MACROD2: variants seen among roughly 807,000 people sequenced by gnomAD.
MACROD2 encodes the protein ADP-ribose glycohydrolase MACROD2.
A neutral mutation model predicts 70.4 loss-of-function variants in MACROD2; 36 were observed. The observed-to-expected ratio is 0.51, with a 90% CI of 0.39 to 0.68. MACROD2 has a LOEUF of 0.68. Ranked by LOEUF, MACROD2 falls within the 30% of genes least tolerant of loss-of-function variation. The probability of loss-of-function intolerance (pLI) is 0.00; values close to 1 mark genes in which losing one functional copy is unlikely to be tolerated. For synonymous variants in MACROD2, 172 were observed against 178.8 expected (o/e 0.96, Z 0.30); for missense variants, 496 against 538.4 (o/e 0.92, Z 0.78).
chr20:14,566,435 T>G (rs1243725234), intron 4 of MACROD2: 1 of 151,372 alleles, frequency 6.6e-6, no homozygotes, highest in Non-Finnish European at 1.5e-5. Flanking sequence ...GGTCCCCACC[T>G]CAAAAAAAAA....
At chr20:14,528,311 C>A (rs1195425444) in intron 4 of MACROD2, among the ~76,000 whole-genome samples, 1 of 143,888 alleles carries the variant, frequency 6.9e-6, no homozygotes, top group Non-Finnish European at 1.5e-5. Flanking sequence ...TTAGTAGAGA[C>A]AGGGTTTCTG....
At position 14,101,856 on chromosome 20, in the gene MACROD2, A is replaced by G. The variant is rs2054305854; in HGVS notation, c.271+16128A>G. ...TTTTGAGTTTTTAAGCAAATAGACA[A>G]AATAAAACATCAATTTCTCTGCATG... On this transcript the variant is annotated intron_variant, in intron 3 of 17. Transcript: ENST00000684519. Among the ~76,000 whole-genome samples, 5 of 151,982 alleles carry G rather than the reference A, an allele frequency of 3.3e-5. 1 individual carries two copies. In the South Asian group the frequency reaches 1.0e-3, roughly 32 times the overall value.
chr20:15,523,572 C>T (rs2047680735), intron 8 of MACROD2, among the ~76,000 whole-genome samples: 1 of 152,086 alleles, frequency 6.6e-6, no homozygotes, highest in South Asian at 2.1e-4. Flanking sequence ...GTCTGTGTTA[C>T]TCCAAAACCC....
intron 3 of MACROD2, among the ~76,000 whole-genome samples, chr20:14,294,983 G>C (rs2082415143): frequency 6.6e-6 from 1 of 151,618 alleles, no homozygotes; most frequent in Non-Finnish European, 1.5e-5. Flanking sequence ...CCAGTCAGTG[G>C]CTTCCCACTG....
chr20:15,311,336 G>A (rs766856632), intron 6 of MACROD2, among the ~76,000 whole-genome samples: 1 of 152,124 alleles, frequency 6.6e-6, no homozygotes, highest in Non-Finnish European at 1.5e-5. Flanking sequence ...CAGGAAAATA[G>A]TTAAGTAAAT....
chr20:14,217,031 T>G (rs1480828350), intron 3 of MACROD2, among the ~76,000 whole-genome samples: 2 of 152,206 alleles, frequency 1.3e-5, no homozygotes, highest in Non-Finnish European at 2.9e-5. Context: ...TGGCTAGGAC[T>G]TCCAGTACTA....
chr20:15,273,907 G>A (rs1246452171), intron 6 of MACROD2, among the ~76,000 whole-genome samples: 1 of 152,078 alleles, frequency 6.6e-6, no homozygotes, highest in African/African-American at 2.4e-5. Flanking sequence ...TACCTACCTG[G>A]CCAGGTTGTC....
chr20:15,608,505 C>G (rs1321607877), intron 8 of MACROD2, among the ~76,000 whole-genome samples: 2 of 152,196 alleles, frequency 1.3e-5, no homozygotes, highest in Admixed American at 6.5e-5. Flanking sequence ...CCGAGCCTAA[C>G]TAGGCCTCAG....
chr20:15,626,134 A>G (rs758785708), intron 8 of MACROD2, among the ~76,000 whole-genome samples: 23 of 152,156 alleles, frequency 1.5e-4, no homozygotes, highest in Non-Finnish European at 2.4e-4. Flanking sequence ...ACTGGCAGAA[A>G]TTTCTAAGTG....
At chr20:14,099,983 A>G (rs916600922) in intron 3 of MACROD2, among the ~76,000 whole-genome samples, 11 of 152,134 alleles carry the variant, frequency 7.2e-5, no homozygotes, top group Non-Finnish European at 1.5e-4. Flanking sequence ...TGTAAATGTT[A>G]TGGTCATATG....
chr20:14,549,630 A>C (rs1348138062), intron 4 of MACROD2, among the ~76,000 whole-genome samples: 1 of 152,072 alleles, frequency 6.6e-6, no homozygotes, highest in Non-Finnish European at 1.5e-5. Flanking sequence ...AGAATTAATA[A>C]ATTTTAGCCC....
chr20:15,123,039 G>A (rs1212409887), intron 5 of MACROD2, among the ~76,000 whole-genome samples: 2 of 152,182 alleles, frequency 1.3e-5, no homozygotes, highest in African/African-American at 4.8e-5. Context: ...ATATGGTTCT[G>A]TAAGTTTACA....
chr20:14,035,192 C>T (rs989243880), intron 2 of MACROD2, among the ~76,000 whole-genome samples: 1 of 152,122 alleles, frequency 6.6e-6, no homozygotes, highest in African/African-American at 2.4e-5. Context: ...TTTGTACTTG[C>T]TATTTCTCTT....
chr20:14,796,705 A>G (rs557054790), intron 5 of MACROD2, among the ~76,000 whole-genome samples: 2 of 152,188 alleles, frequency 1.3e-5, no homozygotes, highest in African/African-American at 4.8e-5. Context: ...ATATTCTCAC[A>G]TACATAACTT....
At chr20:14,524,006 T>TAA in intron 4 of MACROD2, among the ~76,000 whole-genome samples, 1 of 152,196 alleles carries the variant, frequency 6.6e-6, no homozygotes, top group Non-Finnish European at 1.5e-5. Flanking sequence ...AAAACACACA[T>TAA]AAAACCATGA....
rs373585222 is a variant in MACROD2 at position 15,937,563 on chromosome 20, T to C, written c.907+19T>C. ...GATGAAGGTATGAGGCTACTAACTA[T>C]ATCTAATAATTGCAGACTCTTAAAA... On this transcript the variant is annotated intron_variant, in intron 12 of 17. Coordinates refer to ENST00000684519, the MANE Select transcript of MACROD2 (RefSeq NM_001351661.2). The C allele has an allele frequency of 1.8e-5, 29 of 1,606,432 alleles. No homozygotes were observed. The highest frequency in any genetic ancestry group is 4.4e-5 in the South Asian group (4 of 90,934).
chr20:15,841,217 A>G (rs1471596878), intron 8 of MACROD2, among the ~76,000 whole-genome samples: 1 of 152,188 alleles, frequency 6.6e-6, no homozygotes, highest in Non-Finnish European at 1.5e-5. Context: ...AAGGCAGAGA[A>G]TGATCAAGGG....
chr20:14,610,180 A>G (rs532094919), intron 4 of MACROD2, among the ~76,000 whole-genome samples: 1 of 152,176 alleles, frequency 6.6e-6, no homozygotes, highest in Non-Finnish European at 1.5e-5. Flanking sequence ...TAGTTTGGAA[A>G]GGGGTTTATT....
At chr20:15,650,269 A>G (rs532977114) in intron 8 of MACROD2, among the ~76,000 whole-genome samples, 4 of 152,202 alleles carry the variant, frequency 2.6e-5, no homozygotes, top group East Asian at 1.9e-4. Context: ...CTGAACGTCA[A>G]CCTCCTTTCC....
Sources: gnomAD v4.1 joint callset for allele counts (sites outside exome capture counted in the v4.1 genomes callset) on GRCh38, gnomAD v4.1.1 for gene constraint, MANE v1.5 for transcripts, NCBI Gene and HGNC (gene_info 2026-07-23, HGNC 2026-07-21) for gene names.